The following VPS13B variants were observed in gnomAD, a reference collection of about 807,000 sequenced individuals.
The protein encoded by VPS13B is vacuolar protein sorting 13 homolog B, also known as intermembrane lipid transfer protein VPS13B.
In VPS13B, 285 loss-of-function variants were observed where a neutral mutation model predicts 426.4. That is an observed-to-expected ratio of 0.67 (90% CI 0.61 to 0.74). The LOEUF (loss-of-function observed/expected upper bound fraction) is 0.74. Among genes scored for constraint, VPS13B ranks in the 30% least tolerant of loss-of-function variants. The probability of loss-of-function intolerance (pLI) is 0.00; values close to 1 mark genes in which losing one functional copy is unlikely to be tolerated. For missense variants in VPS13B, 4,537 were observed against 4,782.6 expected (o/e 0.95, Z 1.51); for synonymous variants, 1,676 against 1,676.4 (o/e 1.00, Z 0.01).
chr8:99,507,341 A>G (rs1045636137), intron 28 of VPS13B, 138 bp downstream of exon 28: 9 of 925,372 alleles, frequency 9.7e-6, no homozygotes, highest in African/African-American at 5.0e-5. Context: ...TCAAAATTAC[A>G]TATAAATTTA....
chr8:99,827,462 T>A (rs1814758802), intron 51 of VPS13B, among the ~76,000 whole-genome samples: 1 of 151,890 alleles, frequency 6.6e-6, no homozygotes. Flanking sequence ...TTCTCTCTTT[T>A]CTTCTTTATT....
intron 30 of VPS13B, among the ~76,000 whole-genome samples, chr8:99,538,961 A>C (rs1823405916): frequency 6.6e-6 from 1 of 152,226 alleles, no homozygotes; most frequent in Non-Finnish European, 1.5e-5. Context: ...TTAGATTATA[A>C]AGGAAGAACT....
chr8:99,876,160 A>ACT lies in VPS13B; in HGVS notation c.*495_*496dup, dbSNP rs1554591109. The ACT allele has an allele frequency of 5.9e-6, 1 of 169,520 alleles. No individual in the cohort carries two copies. Among genetic ancestry groups the ACT allele is most frequent in the African/African-American group, 2.4e-5 (1 of 41,628 alleles). 10.5% of individuals were successfully genotyped at this position (169,520 alleles called of 1,614,324 possible). ...CTTACAATGGAGAGCCAGAGTTAAA[A>ACT]CTTCAAGTTGCATCTGTTTTTGGGC... On this transcript the variant is annotated 3_prime_UTR_variant, in exon 62 of 62. Transcript: ENST00000357162.
intron 30 of VPS13B, among the ~76,000 whole-genome samples, chr8:99,537,377 A>G (rs1331381498): frequency 6.6e-6 from 1 of 152,352 alleles, no homozygotes; most frequent in East Asian, 1.9e-4. Flanking sequence ...CTTCATTTAT[A>G]CATATCTATA....
At chr8:99,233,820 G>A in intron 17 of VPS13B, 1 of 778,592 alleles carries the variant, frequency 1.3e-6, no homozygotes, top group Non-Finnish European at 2.4e-6. Context: ...ATTTTCAGAG[G>A]AATCTCTTCG....
intron 3 of VPS13B, among the ~76,000 whole-genome samples, chr8:99,069,507 T>C (rs1160401618): frequency 6.6e-6 from 1 of 152,224 alleles, no homozygotes; most frequent in South Asian, 2.1e-4. Flanking sequence ...TTAGAGTATG[T>C]AGTTATCTAA....
At chr8:99,275,372 C>A (rs1348236383) in intron 19 of VPS13B, 118 bp downstream of exon 19, 3 of 951,724 alleles carry the variant, frequency 3.2e-6, no homozygotes, top group Middle Eastern at 3.4e-4. Context: ...AATTGGCTTA[C>A]TCTGCAGTTG....
At chr8:99,235,707 AT>A (rs1307680657) in intron 17 of VPS13B, among the ~76,000 whole-genome samples, 34 of 152,186 alleles carry the variant, frequency 2.2e-4, no homozygotes, top group Non-Finnish European at 3.8e-4. Flanking sequence ...GTTACATTAA[AT>A]CCACTGAAGT....
At chr8:99,558,969 C>T (rs1214031263) in intron 31 of VPS13B, among the ~76,000 whole-genome samples, 1 of 152,126 alleles carries the variant, frequency 6.6e-6, no homozygotes, top group Non-Finnish European at 1.5e-5. Context: ...GTTCTAGATC[C>T]TTGAGGAATT....
intron 2 of VPS13B, among the ~76,000 whole-genome samples, chr8:99,028,290 C>G (rs1183122786): frequency 6.6e-6 from 1 of 151,150 alleles, no homozygotes; most frequent in Non-Finnish European, 1.5e-5. Context: ...TAGGGGCAGC[C>G]GGGCAGAGGT....
intron 16 of VPS13B, among the ~76,000 whole-genome samples, chr8:99,177,175 A>G (rs1052500674): frequency 1.3e-5 from 2 of 152,196 alleles, no homozygotes; most frequent in African/African-American, 2.4e-5. Flanking sequence ...ACAAATGGAC[A>G]TTGTACAGTC....
At chr8:99,338,466 A>G (rs751456301) in intron 19 of VPS13B, among the ~76,000 whole-genome samples, 3 of 151,998 alleles carry the variant, frequency 2.0e-5, no homozygotes, top group Non-Finnish European at 2.9e-5. Context: ...GGATATATTT[A>G]TATTTCAAAA....
chr8:99,296,655 T>G lies in VPS13B; in HGVS notation c.2824+21401T>G, dbSNP rs180680837. On this transcript the variant is annotated intron_variant, in intron 19 of 61. Transcript: ENST00000357162. Reference sequence around the variant, plus strand: ...CTATGTTAAAACTTAATCACCAATGTGATAATATTAGGAAGTGGGTCCTTT... The same window carrying G: ...CTATGTTAAAACTTAATCACCAATGGGATAATATTAGGAAGTGGGTCCTTT... Among the ~76,000 whole-genome samples, 475 of 152,304 alleles carry G rather than the reference T, an allele frequency of 3.1e-3. 1 individual carries two copies. Among genetic ancestry groups the G allele is most frequent in the Non-Finnish European group, 5.8e-3 (394 of 68,018 alleles).
At position 99,111,288 on chromosome 8, in the gene VPS13B, C is replaced by A; in HGVS notation, c.762+9C>A. On this transcript the variant is annotated intron_variant, in intron 6 of 61. Transcript: ENST00000357162. Reference sequence around the variant, plus strand: ...TGCCATCTGTTATTAAAGTAGGTATCTCTTTTTTTTGCAGTTAAGTTGCAT... The same window carrying A: ...TGCCATCTGTTATTAAAGTAGGTATATCTTTTTTTTGCAGTTAAGTTGCAT... The A allele has an allele frequency of 6.3e-7, 1 of 1,594,194 alleles. No homozygotes were observed. The highest frequency in any genetic ancestry group is 1.1e-5 in the South Asian group (1 of 87,120).
intron 42 of VPS13B, among the ~76,000 whole-genome samples, chr8:99,780,653 G>A (rs917020387): frequency 2.0e-5 from 3 of 152,178 alleles, no homozygotes; most frequent in East Asian, 3.9e-4. Flanking sequence ...GATTTATACA[G>A]GGATTTGGCA....
At chr8:99,606,902 T>C (rs1827621904) in intron 33 of VPS13B, among the ~76,000 whole-genome samples, 1 of 152,204 alleles carries the variant, frequency 6.6e-6, no homozygotes, top group Non-Finnish European at 1.5e-5. Flanking sequence ...TAAATATGTC[T>C]CTGACTGCTC....
At chr8:99,864,126 G>A (rs889733042) in intron 58 of VPS13B, among the ~76,000 whole-genome samples, 2 of 152,238 alleles carry the variant, frequency 1.3e-5, no homozygotes, top group African/African-American at 4.8e-5. Flanking sequence ...GCGGAGTACA[G>A]CAAACTGAAA....
intron 39 of VPS13B, among the ~76,000 whole-genome samples, chr8:99,740,062 T>A (rs1268795566): frequency 6.6e-6 from 1 of 152,000 alleles, no homozygotes; most frequent in East Asian, 1.9e-4. Context: ...GCACAGAAGC[T>A]AAAAACCTTG....
intron 55 of VPS13B, among the ~76,000 whole-genome samples, chr8:99,849,613 C>T (rs1263712723): frequency 6.6e-6 from 1 of 151,980 alleles, no homozygotes; most frequent in East Asian, 1.9e-4. Context: ...TTAGAAATTC[C>T]ACTTTTAAGT....
Sources: gnomAD v4.1 joint callset for allele counts (sites outside exome capture counted in the v4.1 genomes callset) on GRCh38, gnomAD v4.1.1 for gene constraint, MANE v1.5 for transcripts, NCBI Gene and HGNC (gene_info 2026-07-23, HGNC 2026-07-21) for gene names.